The following TPST1 variants were observed in gnomAD, a reference collection of about 807,000 sequenced individuals.
TPST1 encodes the protein protein-tyrosine sulfotransferase 1.
A neutral mutation model predicts 34.8 loss-of-function variants in TPST1; 20 were observed. The observed-to-expected ratio is 0.57, with a 90% confidence interval of 0.40 to 0.84. The LOEUF is 0.84. Among genes scored for constraint, TPST1 ranks in the 40% least tolerant of loss-of-function variants. The pLI, the probability that TPST1 is intolerant of heterozygous loss-of-function variation, is 0.00. For synonymous variants in TPST1, 152 were observed against 159.4 expected, an observed-to-expected ratio of 0.95 and a Z score of 0.35; for missense variants, 353 against 455.5, an observed-to-expected ratio of 0.78 and a Z score of 2.05.
At chr7:66,204,576 T>C (rs1002238951), upstream of TPST1, among the ~76,000 whole-genome samples, 13 of 152,364 alleles carry the variant, frequency 8.5e-5, no homozygotes, top group African/African-American at 2.9e-4. Flanking sequence ...CTCTAATCCA[T>C]GTCACTGGAG....
At chr7:66,254,041 G>T (rs74740187) in intron 2 of TPST1, among the ~76,000 whole-genome samples, 1 of 149,444 alleles carries the variant, frequency 6.7e-6, no homozygotes, top group Non-Finnish European at 1.5e-5. Context: ...AAATGGCTTA[G>T]AATCTAATAG....
At chr7:66,207,822 C>T (rs1789162982) in intron 1 of TPST1, among the ~76,000 whole-genome samples, 1 of 152,136 alleles carries the variant, frequency 6.6e-6, no homozygotes, top group African/African-American at 2.4e-5. Context: ...CCACCCATAG[C>T]CCCCTTTAAG....
chr7:66,209,919 T>A (rs1654298750), intron 1 of TPST1, among the ~76,000 whole-genome samples: 1 of 152,172 alleles, frequency 6.6e-6, no homozygotes, highest in Non-Finnish European at 1.5e-5. Context: ...CCCTCTGCCT[T>A]GACTTCCCAA....
chr7:66,278,848 G>A lies in TPST1; in HGVS notation c.846-7663G>A, dbSNP rs78022397. ...AAATTGGAAAATATGGATAAGTTAG[G>A]TAAGAAAATAAAAATCATGCTGCAT... On this transcript the variant is annotated intron_variant, in intron 2 of 5. Transcript: ENST00000304842. Among the ~76,000 whole-genome samples, 374 of 152,142 alleles carry A rather than the reference G, an allele frequency of 2.5e-3. 9 individuals carry two copies. In the East Asian group the frequency reaches 0.066, roughly 27 times the overall value.
intron 3 of TPST1, among the ~76,000 whole-genome samples, chr7:66,329,407 G>C (rs964525215): frequency 1.3e-5 from 2 of 151,778 alleles, no homozygotes; most frequent in Non-Finnish European, 2.9e-5. Flanking sequence ...TATCTTCTCT[G>C]TGCATATGTA....
intron 2 of TPST1, among the ~76,000 whole-genome samples, chr7:66,258,275 A>G (rs1296220104): frequency 6.6e-6 from 1 of 152,106 alleles, no homozygotes; most frequent in Non-Finnish European, 1.5e-5. Flanking sequence ...GTCCTGTTAA[A>G]ATCCTTGGAA....
chr7:66,228,185 A>G (rs955413586), intron 1 of TPST1, among the ~76,000 whole-genome samples: 1 of 152,184 alleles, frequency 6.6e-6, no homozygotes, highest in African/African-American at 2.4e-5. Context: ...GGTATCAGAA[A>G]CTATTGGTTG....
chr7:66,244,485 T>G (rs1790107472), intron 2 of TPST1, among the ~76,000 whole-genome samples: 1 of 152,188 alleles, frequency 6.6e-6, no homozygotes, highest in Non-Finnish European at 1.5e-5. Context: ...TTATTTACAG[T>G]CAGGGTGGCA....
At position 66,270,491 on chromosome 7, in the gene TPST1, AT is replaced by A. The variant is rs1790683803; in HGVS notation, c.846-16019del. ...TAGAAATCACTTACTCTGCTTCTTT[AT>A]ACTTTTATTACCCAAATGTGCATTT... On this transcript the variant is annotated intron_variant, in intron 2 of 5. Coordinates refer to ENST00000304842, the MANE Select transcript of TPST1 (RefSeq NM_003596.4). Among the ~76,000 whole-genome samples the A allele has an allele frequency of 4.6e-5, 7 of 152,236 alleles. No individual in the cohort carries two copies. In the South Asian group the frequency reaches 1.5e-3, roughly 32 times the overall value.
intron 2 of TPST1, among the ~76,000 whole-genome samples, chr7:66,275,733 G>A (rs1050509399): frequency 6.6e-6 from 1 of 152,136 alleles, no homozygotes; most frequent in African/African-American, 2.4e-5. Context: ...GAGGAGTGGG[G>A]ATTAGAGATG....
At position 66,328,906 on chromosome 7, in the gene TPST1, A is replaced by ATATATATT. The variant is rs1299138303; in HGVS notation, c.1045-23598_1045-23597insATATATTT. On this transcript the variant is annotated intron_variant, in intron 3 of 5. Coordinates refer to ENST00000304842, the MANE Select transcript of TPST1 (RefSeq NM_003596.4). ...TCTCTCTATATATATATATATATAT[A>ATATATATT]TTTTTTTTTTTTTTTTTTTTTTTGA... Among the ~76,000 whole-genome samples the ATATATATT allele has an allele frequency of 1.4e-3, 19 of 13,156 alleles. 1 individual carries two copies. The highest frequency in any genetic ancestry group is 2.0e-3 in the Non-Finnish European group (17 of 8,588). 8.6% of individuals were successfully genotyped at this position (13,156 alleles called of 152,430 possible). A position where few individuals can be genotyped will look rare whatever the true frequency, so the allele number is the denominator to read the frequency against.
intron 3 of TPST1, among the ~76,000 whole-genome samples, chr7:66,310,481 A>G (rs181419433): frequency 5.2e-4 from 79 of 152,196 alleles, no homozygotes; most frequent in African/African-American, 1.7e-3. Flanking sequence ...CAGTTATTCT[A>G]TTACCGTGTG....
At chr7:66,335,145 G>A (rs1409436989) in intron 3 of TPST1, among the ~76,000 whole-genome samples, 4 of 152,114 alleles carry the variant, frequency 2.6e-5, no homozygotes, top group Non-Finnish European at 5.9e-5. Context: ...GAACCTTCCC[G>A]TGGCCCAGAA....
At chr7:66,307,979 T>C (rs745568439) in intron 3 of TPST1, among the ~76,000 whole-genome samples, 7 of 152,248 alleles carry the variant, frequency 4.6e-5, no homozygotes, top group South Asian at 2.1e-4. Context: ...CTTTTCTATA[T>C]CTTACCACAA....
rs201984500 is a variant in TPST1 at position 66,235,780 on chromosome 7, A to G, written c.-101-4545A>G. ...ACATTTTAGGGAGACATGAGACATC[A>G]ATCAATATATGTAAGAAGTACATTG... is the stretch of plus-strand genomic sequence containing the variant. On this transcript the variant is annotated intron_variant, in intron 1 of 5. Coordinates refer to ENST00000304842, the MANE Select transcript of TPST1 (RefSeq NM_003596.4). Among the ~76,000 whole-genome samples the G allele has an allele frequency of 4.3e-4, 65 of 151,956 alleles. No homozygotes were observed. The East Asian group carries it at 9.3e-3, about 22-fold the overall frequency.
At chr7:66,267,730 A>G (rs1432500675) in intron 2 of TPST1, among the ~76,000 whole-genome samples, 1 of 152,186 alleles carries the variant, frequency 6.6e-6, no homozygotes, top group Non-Finnish European at 1.5e-5. Flanking sequence ...TCATTTATTC[A>G]ACAAATATTT....
intron 2 of TPST1, among the ~76,000 whole-genome samples, chr7:66,244,755 CAA>C (rs770239001): frequency 9.9e-5 from 15 of 152,076 alleles, no homozygotes; most frequent in East Asian, 3.9e-4. Context: ...TTTGCTAGGT[CAA>C]AAGAGCAAAT....
At chr7:66,312,405 T>TA (rs554905245) in intron 3 of TPST1, among the ~76,000 whole-genome samples, 179 of 152,290 alleles carry the variant, frequency 1.2e-3, no homozygotes, top group African/African-American at 3.9e-3. Flanking sequence ...GTTTAACTCT[T>TA]AAAAAACATG....
At chr7:66,234,030 G>C (rs1789853788) in intron 1 of TPST1, among the ~76,000 whole-genome samples, 1 of 152,102 alleles carries the variant, frequency 6.6e-6, no homozygotes, top group Non-Finnish European at 1.5e-5. Flanking sequence ...GCTAATTTTT[G>C]TATTTTTAGT....
Sources: allele counts gnomAD v4.1 joint callset (sites outside exome capture counted in the v4.1 genomes callset), GRCh38; gene constraint gnomAD v4.1.1; transcripts MANE v1.5; gene names NCBI Gene and HGNC (gene_info 2026-07-23, HGNC 2026-07-21).